OTOP1: variants seen among roughly 807,000 people sequenced by gnomAD.
OTOP1 encodes proton channel OTOP1.
Under a neutral mutation model 52.9 loss-of-function variants are expected in OTOP1, and 59 were observed. That is an observed-to-expected ratio of 1.12 (90% CI 0.91 to 1.39). OTOP1 has a LOEUF of 1.39. Ranked by LOEUF, OTOP1 falls within the 40% of genes most tolerant of loss-of-function variation. The pLI is 0.00. For missense variants in OTOP1, 761 were observed against 800.9 expected (o/e 0.95, Z 0.60); for synonymous variants, 317 against 337.7 (o/e 0.94, Z 0.67).
At chr4:4,205,657 T>G (rs1410053787) in intron 3 of OTOP1, among the ~76,000 whole-genome samples, 3 of 152,226 alleles carry the variant, frequency 2.0e-5, no homozygotes, top group Non-Finnish European at 4.4e-5. Flanking sequence ...TCCCACATCA[T>G]GGGCACACAG....
rs369147933 is a variant in OTOP1 at position 4,221,533 on chromosome 4, TG to T, written c.403+4928del. Among the ~76,000 whole-genome samples, 33 of 152,304 alleles carry T rather than the reference TG, an allele frequency of 2.2e-4. 1 individual carries two copies. The East Asian group carries it at 2.5e-3, about 12-fold the overall frequency. ...CCTGGGCTCCTCCCAGGCCCCTGGT[TG>T]CAGCCCTGCTCAAGGATGCTGTACT... On this transcript the variant is annotated intron_variant, in intron 1 of 5. Transcript: ENST00000296358.
chr4:4,190,398 C>A (rs533067843), intron 5 of OTOP1, among the ~76,000 whole-genome samples: 38 of 152,254 alleles, frequency 2.5e-4, no homozygotes, highest in African/African-American at 6.7e-4. Context: ...CCCTTGAACC[C>A]GGGAGGCGAA....
intron 5 of OTOP1, among the ~76,000 whole-genome samples, chr4:4,190,369 G>C (rs111234569): frequency 6.6e-6 from 1 of 152,180 alleles, no homozygotes; most frequent in Non-Finnish European, 1.5e-5. Flanking sequence ...AGCTACTCAG[G>C]GGGCTGAGGC....
chr4:4,191,645 C>A (rs1175689742), intron 5 of OTOP1, among the ~76,000 whole-genome samples: 1 of 152,206 alleles, frequency 6.6e-6, no homozygotes, highest in African/African-American at 2.4e-5. Context: ...TTCAGCGAGG[C>A]CTTCTCACTA....
At chr4:4,223,013 C>T (rs569440684) in intron 1 of OTOP1, among the ~76,000 whole-genome samples, 17 of 152,284 alleles carry the variant, frequency 1.1e-4, no homozygotes, top group South Asian at 6.2e-4. Flanking sequence ...AGAAAGGTGA[C>T]GGTGATAGAG....
At chr4:4,189,376 A>G (rs1200110969) in intron 5 of OTOP1, among the ~76,000 whole-genome samples, 1 of 152,170 alleles carries the variant, frequency 6.6e-6, no homozygotes, top group Non-Finnish European at 1.5e-5. Context: ...TGTTCACGGA[A>G]CCTACACACT....
intron 2 of OTOP1, among the ~76,000 whole-genome samples, chr4:4,208,636 A>G (rs1279578170): frequency 6.6e-6 from 1 of 152,174 alleles, no homozygotes; most frequent in African/African-American, 2.4e-5. Context: ...GAGGAAATAG[A>G]GAGTTGTTTA....
At chr4:4,195,033 C>T (rs188023554) in intron 5 of OTOP1, among the ~76,000 whole-genome samples, 4 of 152,286 alleles carry the variant, frequency 2.6e-5, no homozygotes, top group African/African-American at 7.2e-5. Context: ...TCCATCCTTG[C>T]TACATACAGC....
Position 4,197,907 on chromosome 4 carries a change from A to T in OTOP1, c.927T>A (p.Asp309Glu), listed in dbSNP as rs2916414. ...HQHQKMQFKS[D>E]GVMVGAVLGL... ...CCAGGACTGCGCCCACCATGACCCC[A>T]TCAGACTTGAACTGCATCTTCTGGT... The change falls in exon 5 of 6, where the codon GAT becomes GAA. Residue 309 changes from aspartate to glutamate, a missense_variant. Coordinates refer to ENST00000296358, the MANE Select transcript of OTOP1 (RefSeq NM_177998.3). 0.7 allele frequency: 1,128,446 copies of T among 1,613,678 alleles called. 397,722 individuals carry two copies. The highest frequency in any genetic ancestry group is 0.83 in the South Asian group (75,116 of 91,026).
intron 1 of OTOP1, among the ~76,000 whole-genome samples, chr4:4,220,101 A>ATTTT (rs1560211581): frequency 1.5e-5 from 1 of 65,850 alleles, no homozygotes; most frequent in Non-Finnish European, 2.8e-5. Flanking sequence ...ATATATATAT[A>ATTTT]TATATTTTTT....
In OTOP1 at chr4:4,197,916, G is replaced by C. The variant is rs761831496; in HGVS notation, c.918C>G (p.Phe306Leu). The change falls in exon 5 of 6, where the codon TTC (phenylalanine) becomes TTG (leucine). Residue 306 changes from phenylalanine (F) to leucine (L), a missense_variant. Phe to Leu is a conservative substitution (Grantham distance 22, BLOSUM62 0). This residue lies in a region of OTOP1 where 632 missense variants were observed against 619.5 expected (regional missense o/e 1.02). Transcript: ENST00000296358. ...CGCCCACCATGACCCCATCAGACTT[G>C]AACTGCATCTTCTGGTGCTGATGGC... ...VDSHQHQKMQFKSDGVMVGAV... is the reference protein window; with the variant it reads ...VDSHQHQKMQLKSDGVMVGAV... 14 of 1,613,990 alleles carry C rather than the reference G, an allele frequency of 8.7e-6. No individual in the cohort carries two copies. The African/African-American group carries it at 1.9e-4, about 22-fold the overall frequency.
chr4:4,197,272 C>A lies in OTOP1; in HGVS notation c.1562G>T (p.Trp521Leu). The A allele has an allele frequency of 6.2e-7, 1 of 1,614,196 alleles. No individual in the cohort carries two copies. Among genetic ancestry groups the A allele is most frequent in the Non-Finnish European group, 8.5e-7 (1 of 1,180,040 alleles). The change falls in exon 5 of 6, where the codon TGG (tryptophan) becomes TTG (leucine). Residue 521 changes from tryptophan (W) to leucine (L), a missense_variant. By Grantham distance (61) the Trp-to-Leu change is moderately conservative (BLOSUM62 -2). This residue lies in a region of OTOP1 where 632 missense variants were observed against 619.5 expected (regional missense o/e 1.02). Transcript: ENST00000296358. ...KEEEKQEESS[W>L]GGSPSPVRLP... ...GCGGACTGGGCTTGGGCTCCCTCCC[C>A]AGCTGCTCTCCTCCTGCTTCTCCTC...
chr4:4,210,252 A>G (rs978339461), intron 2 of OTOP1, among the ~76,000 whole-genome samples: 1 of 152,070 alleles, frequency 6.6e-6, no homozygotes, highest in African/African-American at 2.4e-5. Flanking sequence ...AGCTTTCCAC[A>G]TTGTCGCTGT....
At chr4:4,221,907 C>G (rs867198395) in intron 1 of OTOP1, among the ~76,000 whole-genome samples, 1 of 152,124 alleles carries the variant, frequency 6.6e-6, no homozygotes, top group African/African-American at 2.4e-5. Flanking sequence ...TGAGCCACCA[C>G]GCCTGGCCTG....
At chr4:4,212,237 T>G (rs1310184811) in intron 2 of OTOP1, among the ~76,000 whole-genome samples, 1 of 152,244 alleles carries the variant, frequency 6.6e-6, no homozygotes, top group Non-Finnish European at 1.5e-5. Flanking sequence ...GAGATTTTTC[T>G]GACCCTAAGC....
intron 4 of OTOP1, among the ~76,000 whole-genome samples, chr4:4,200,349 C>A (rs1334621716): frequency 6.6e-6 from 1 of 151,862 alleles, no homozygotes; most frequent in Non-Finnish European, 1.5e-5. Context: ...GTGGCAGGTG[C>A]CTGTAGTCCC....
chr4:4,203,633 T>C (rs1384825513), intron 3 of OTOP1, among the ~76,000 whole-genome samples: 1 of 152,230 alleles, frequency 6.6e-6, no homozygotes, highest in Non-Finnish European at 1.5e-5. Flanking sequence ...TTTCTTCAAA[T>C]ACTCCAAAGT....
At chr4:4,210,343 G>A (rs1037595877) in intron 2 of OTOP1, among the ~76,000 whole-genome samples, 3 of 152,186 alleles carry the variant, frequency 2.0e-5, no homozygotes, top group Admixed American at 6.5e-5. Flanking sequence ...TTGGGCTGCC[G>A]TAACAAAGGA....
chr4:4,223,061 T>C (rs2108807350), intron 1 of OTOP1, among the ~76,000 whole-genome samples: 1 of 152,310 alleles, frequency 6.6e-6, no homozygotes, highest in East Asian at 1.9e-4. Context: ...GCCAACACCA[T>C]TTCCATGATA....
Sources: allele counts gnomAD v4.1 joint callset (sites outside exome capture counted in the v4.1 genomes callset), GRCh38; gene constraint gnomAD v4.1.1; regional missense constraint gnomAD v4.1.1; transcripts MANE v1.5; gene names NCBI Gene and HGNC (gene_info 2026-07-23, HGNC 2026-07-21).